Variants in RIPOR2 observed in about 807,000 individuals in gnomAD.
RIPOR2 encodes the protein RHO family interacting cell polarization regulator 2.
Under a neutral mutation model 114.5 loss-of-function variants are expected in RIPOR2, and 39 were observed. That is an observed-to-expected ratio of 0.34 (90% CI 0.26 to 0.44). The LOEUF is 0.44. RIPOR2 is among the 20% of genes least tolerant of loss of function. RIPOR2 has a pLI of 1.00. For synonymous variants in RIPOR2, 445 were observed against 484.4 expected (o/e 0.92, Z 1.07); for missense variants, 1,007 against 1,255.1 (o/e 0.80, Z 2.99).
rs1561855743 is a variant in RIPOR2 at position 25,031,729 on chromosome 6, AT to A, written c.76+10121del. Among the ~76,000 whole-genome samples, 103 of 109,450 alleles carry A rather than the reference AT, an allele frequency of 9.4e-4. 1 individual carries two copies. The Middle Eastern group carries it at 0.013, about 13-fold the overall frequency. The allele number at this position is 109,450 out of a possible 152,430, so 71.8% of individuals were successfully genotyped here. A position where few individuals can be genotyped will look rare whatever the true frequency, so the allele number is the denominator to read the frequency against. ...TATATATATATATATATATATATAT[AT>A]ATATATATATATATATATATAAAAT... On this transcript the variant is annotated intron_variant, in intron 1 of 13. Coordinates refer to the RIPOR2 transcript ENST00000510784.
intron 6 of RIPOR2, among the ~76,000 whole-genome samples, chr6:24,868,391 T>G (rs910333496): frequency 6.6e-6 from 1 of 152,140 alleles, no homozygotes; most frequent in East Asian, 1.9e-4. Context: ...GAAGAGAGGC[T>G]GATAGATATA....
At chr6:24,891,606 C>T (rs994431263) in intron 1 of RIPOR2, among the ~76,000 whole-genome samples, 8 of 152,044 alleles carry the variant, frequency 5.3e-5, no homozygotes, top group African/African-American at 1.9e-4. Context: ...GATCCATCAA[C>T]GTATGGCAAA....
At chr6:24,876,144 G>A (rs1490448355) in intron 1 of RIPOR2, among the ~76,000 whole-genome samples, 1 of 151,976 alleles carries the variant, frequency 6.6e-6, no homozygotes, top group East Asian at 1.9e-4. Flanking sequence ...TACAAAATTA[G>A]CTGGGCGTGG....
At chr6:24,834,359 G>C (rs1760932906) in intron 15 of RIPOR2, among the ~76,000 whole-genome samples, 1 of 152,048 alleles carries the variant, frequency 6.6e-6, no homozygotes, top group African/African-American at 2.4e-5. Context: ...CTGGGCTCCC[G>C]AGGGACCCCT....
chr6:25,017,970 C>T (rs189946264), intron 1 of RIPOR2, among the ~76,000 whole-genome samples: 77 of 152,354 alleles, frequency 5.1e-4, no homozygotes, highest in Admixed American at 3.5e-3. Context: ...TGCTTAAAAT[C>T]TCTAAGTACT....
At chr6:24,830,428 G>T in intron 17 of RIPOR2, 81 bp downstream of exon 17, 1 of 1,172,580 alleles carries the variant, frequency 8.5e-7, no homozygotes, top group Non-Finnish European at 1.2e-6. Flanking sequence ...GTGGTAGGAG[G>T]ACCCCTCTCC....
chr6:24,902,277 C>T (rs770543469), intron 1 of RIPOR2, among the ~76,000 whole-genome samples: 12 of 151,184 alleles, frequency 7.9e-5, no homozygotes, highest in South Asian at 2.1e-4. Context: ...TACAGTGGCG[C>T]GATCTTGGCT....
At chr6:25,000,123 T>G (rs945097239) in intron 1 of RIPOR2, among the ~76,000 whole-genome samples, 7 of 152,238 alleles carry the variant, frequency 4.6e-5, no homozygotes, top group African/African-American at 1.7e-4. Context: ...TCTAGTCCTA[T>G]GCACACATTG....
intron 9 of RIPOR2, among the ~76,000 whole-genome samples, chr6:24,852,130 T>C (rs1763016798): frequency 6.6e-6 from 1 of 152,080 alleles, no homozygotes; most frequent in East Asian, 1.9e-4. Flanking sequence ...GCTGTGGTGG[T>C]GCACACCTGT....
intron 1 of RIPOR2, among the ~76,000 whole-genome samples, chr6:24,987,930 T>C (rs977000545): frequency 6.6e-6 from 1 of 152,172 alleles, no homozygotes; most frequent in South Asian, 2.1e-4. Flanking sequence ...CCCTCATACT[T>C]ATCTAAGGGG....
rs137989068 is a variant in RIPOR2 at position 24,926,630 on chromosome 6, T to A, written c.61+9208A>T. ...TCGCAATAGCTCTGCTTTAATCAAC[T>A]GTGTCTTTTATTAAGCCAGCTCTTC... is the stretch of plus-strand genomic sequence containing the variant. On this transcript the variant is annotated intron_variant, in intron 1 of 21. Coordinates refer to ENST00000643898, the MANE Select transcript of RIPOR2 (RefSeq NM_001286445.3). Among the ~76,000 whole-genome samples the A allele has an allele frequency of 8.0e-3, 1,213 of 152,240 alleles. 20 individuals carry two copies. The highest frequency in any genetic ancestry group is 0.026 in the African/African-American group (1,083 of 41,538).
chr6:24,991,926 A>C (rs1285849495), intron 1 of RIPOR2, among the ~76,000 whole-genome samples: 2 of 152,160 alleles, frequency 1.3e-5, no homozygotes, highest in Non-Finnish European at 2.9e-5. Flanking sequence ...CTGATTTCTG[A>C]GATAAGAGAG....
At chr6:24,899,845 G>C (rs570157788) in intron 1 of RIPOR2, among the ~76,000 whole-genome samples, 1 of 152,180 alleles carries the variant, frequency 6.6e-6, no homozygotes, top group African/African-American at 2.4e-5. Context: ...GAAGGAGAAG[G>C]CACGCCACTG....
intron 9 of RIPOR2, 149 bp downstream of exon 9, chr6:24,852,426 T>C (rs1763050398): frequency 3.0e-6 from 2 of 660,224 alleles, no homozygotes; most frequent in Non-Finnish European, 5.3e-6. Context: ...CCTGTACCAG[T>C]TTCCAGACTT....
At chr6:25,003,096 T>G (rs1429810886) in intron 1 of RIPOR2, among the ~76,000 whole-genome samples, 2 of 152,200 alleles carry the variant, frequency 1.3e-5, no homozygotes, top group Non-Finnish European at 2.9e-5. Context: ...ACGATTCACT[T>G]TTATTTTTAT....
intron 12 of RIPOR2, among the ~76,000 whole-genome samples, chr6:24,846,235 C>T (rs1295151017): frequency 6.6e-6 from 1 of 151,752 alleles, no homozygotes; most frequent in Non-Finnish European, 1.5e-5. Context: ...TGTGTATTTC[C>T]CCCATACAAT....
chr6:25,023,684 T>G, intron 1 of RIPOR2: 1 of 763,494 alleles, frequency 1.3e-6, no homozygotes, highest in Non-Finnish European at 2.4e-6. Context: ...GAAGCGGTTC[T>G]CCACGATGTC....
intron 1 of RIPOR2, among the ~76,000 whole-genome samples, chr6:24,971,991 T>C (rs548158915): frequency 6.6e-6 from 1 of 152,252 alleles, no homozygotes. Flanking sequence ...TTATTATTAT[T>C]ATCATCAATA....
At chr6:24,986,307 T>A (rs1774526023) in intron 1 of RIPOR2, among the ~76,000 whole-genome samples, 1 of 152,222 alleles carries the variant, frequency 6.6e-6, no homozygotes. Flanking sequence ...GGGATTTAAA[T>A]CACTGTCCAT....
Sources: allele counts gnomAD v4.1 joint callset (sites outside exome capture counted in the v4.1 genomes callset), GRCh38; gene constraint gnomAD v4.1.1; transcripts MANE v1.5; gene names NCBI Gene and HGNC (gene_info 2026-07-23, HGNC 2026-07-21).